Variants in XPA observed in about 807,000 individuals in gnomAD.
The protein encoded by XPA is XPA, DNA damage recognition and repair factor, also known as DNA repair protein complementing XP-A cells.
A neutral mutation model predicts 35.7 loss-of-function variants in XPA; 27 were observed. That is an observed-to-expected ratio of 0.76 (90% CI 0.56 to 1.04). The LOEUF is 1.04. Among genes scored for constraint, XPA ranks in the 50% least tolerant of loss-of-function variants. The pLI is 0.00. For synonymous variants in XPA, 133 were observed against 118.4 expected (o/e 1.12, Z -0.80); for missense variants, 354 against 342.7 (o/e 1.03, Z -0.26).
intron 4 of XPA, among the ~76,000 whole-genome samples, chr9:97,686,314 G>C (rs921969388): frequency 1.3e-5 from 2 of 152,118 alleles, no homozygotes; most frequent in African/African-American, 2.4e-5. Flanking sequence ...CTGGGCACTA[G>C]CAGTCCTAGC....
chr9:97,695,009 T>G (rs1268026827), intron 1 of XPA, among the ~76,000 whole-genome samples: 1 of 152,192 alleles, frequency 6.6e-6, no homozygotes, highest in Non-Finnish European at 1.5e-5. Flanking sequence ...TATGACTCAA[T>G]GTACATGAAG....
At position 97,684,909 on chromosome 9, in the gene XPA, A is replaced by G. The variant is rs777571441; in HGVS notation, c.673+14T>C. 6.3e-7 allele frequency: 1 copy of G among 1,596,448 alleles called. No homozygotes were observed. Among genetic ancestry groups the G allele is most frequent in the Non-Finnish European group, 8.6e-7 (1 of 1,164,358 alleles). ...AAAACACAATCCTTCACGATATAAA[A>G]TGTGGCCATCTACCTTTTACTTTTT... On this transcript the variant is annotated intron_variant, in intron 5 of 5. Transcript: ENST00000375128.
the XPA span, among the ~76,000 whole-genome samples, chr9:97,658,956 C>T: frequency 2.6e-5 from 4 of 152,174 alleles, no homozygotes; most frequent in African/African-American, 9.6e-5. Context: ...ACTGGCTTAT[C>T]ATTTTTTCTC....
intron 2 of XPA, 113 bp downstream of exon 2, chr9:97,693,536 T>C (rs1014460542): frequency 4.3e-6 from 4 of 928,416 alleles, no homozygotes; most frequent in Non-Finnish European, 3.4e-6. Context: ...ATAAAGATAA[T>C]GTACTCACTG....
At chr9:97,671,476 C>T (rs1442117843), downstream of XPA, 1 of 321,696 alleles carries the variant, frequency 3.1e-6, no homozygotes, top group Non-Finnish European at 5.8e-6. Flanking sequence ...CTCCTTAAGG[C>T]ACAAAATAAT....
intron 5 of XPA, among the ~76,000 whole-genome samples, chr9:97,678,767 T>C (rs566815558): frequency 7.9e-5 from 12 of 152,286 alleles, no homozygotes; most frequent in East Asian, 1.9e-4. Context: ...TGAGGGCTGA[T>C]AGACATCAGT....
At chr9:97,669,729 G>A in the XPA span, 23 of 1,429,280 alleles carry the variant, frequency 1.6e-5, no homozygotes, top group East Asian at 4.5e-5. Flanking sequence ...CTTCGATTAG[G>A]TAATAACACT....
rs769085209 is a variant in XPA at position 97,675,347 on chromosome 9, G to T, written c.*92C>A. 2.9e-5 allele frequency: 38 copies of T among 1,319,064 alleles called. No homozygotes were observed. Among genetic ancestry groups the T allele is most frequent in the Admixed American group, 9.9e-5 (4 of 40,254 alleles). The allele number at this position is 1,319,064 out of a possible 1,614,324, so 81.7% of individuals were successfully genotyped here. Reference sequence around the variant, plus strand: ...AAGGGTTTCATTCATCTATGAAGATGTTGCTTTTTTTTTTGAATTTTGAAA... The same window carrying T: ...AAGGGTTTCATTCATCTATGAAGATTTTGCTTTTTTTTTTGAATTTTGAAA... On this transcript the variant is annotated 3_prime_UTR_variant, in exon 6 of 6. Transcript: ENST00000375128.
At chr9:97,694,942 G>A (rs920896214) in intron 1 of XPA, among the ~76,000 whole-genome samples, 1 of 152,134 alleles carries the variant, frequency 6.6e-6, no homozygotes, top group Admixed American at 6.5e-5. Context: ...ACCAATGCAC[G>A]CAACAAAATG....
intron 5 of XPA, among the ~76,000 whole-genome samples, chr9:97,677,492 G>A (rs553621731): frequency 6.6e-6 from 1 of 152,064 alleles, no homozygotes; most frequent in Non-Finnish European, 1.5e-5. Flanking sequence ...GGGCAACACA[G>A]TGAAACCCCA....
intron 5 of XPA, among the ~76,000 whole-genome samples, chr9:97,682,889 A>C (rs1220520179): frequency 6.6e-6 from 1 of 152,218 alleles, no homozygotes; most frequent in Non-Finnish European, 1.5e-5. Context: ...TATATGCCAC[A>C]TAGAATTCTT....
At chr9:97,687,710 G>A (rs1306564686) in intron 3 of XPA, among the ~76,000 whole-genome samples, 1 of 152,158 alleles carries the variant, frequency 6.6e-6, no homozygotes, top group Non-Finnish European at 1.5e-5. Flanking sequence ...AGACCCTAGG[G>A]GTGCGAAAGG....
the XPA span, chr9:97,666,863 A>G: frequency 6.2e-7 from 1 of 1,604,534 alleles, no homozygotes; most frequent in South Asian, 1.1e-5. Flanking sequence ...GAAACTTGCT[A>G]GGCAACACAA....
chr9:97,684,304 T>G (rs1025031839), intron 5 of XPA, among the ~76,000 whole-genome samples: 1 of 152,144 alleles, frequency 6.6e-6, no homozygotes, highest in African/African-American at 2.4e-5. Flanking sequence ...CATACCTGGA[T>G]GGATAACAGG....
the XPA span, chr9:97,669,876 G>A: frequency 1.5e-6 from 1 of 687,756 alleles, no homozygotes; most frequent in African/African-American, 1.8e-5. Context: ...GGCTTAAACT[G>A]ATTCTGTACC....
intron 5 of XPA, among the ~76,000 whole-genome samples, chr9:97,676,416 C>T (rs1465433170): frequency 2.6e-5 from 4 of 152,212 alleles, no homozygotes; most frequent in Non-Finnish European, 5.9e-5. Flanking sequence ...ACACTTTACA[C>T]TTCTATTCTC....
At chr9:97,672,401 T>C (rs926508809), downstream of XPA, 2 of 152,218 alleles carry the variant, frequency 1.3e-5, no homozygotes, top group African/African-American at 2.4e-5. Flanking sequence ...TTTTAGTGGC[T>C]ACAGAATGTA....
the XPA span, among the ~76,000 whole-genome samples, chr9:97,667,872 GTCTA>G: frequency 1.3e-5 from 2 of 152,310 alleles, no homozygotes; most frequent in African/African-American, 2.4e-5. Flanking sequence ...TTGAAGAAAG[GTCTA>G]TCTATTAGGT....
At chr9:97,661,955 G>A in the XPA span, 2 of 864,310 alleles carry the variant, frequency 2.3e-6, no homozygotes, top group East Asian at 5.2e-5. Context: ...GTATAGATGT[G>A]AGCAACCATC....
Sources: gnomAD v4.1 joint callset for allele counts (sites outside exome capture counted in the v4.1 genomes callset) on GRCh38, gnomAD v4.1.1 for gene constraint, MANE v1.5 for transcripts, NCBI Gene and HGNC (gene_info 2026-07-23, HGNC 2026-07-21) for gene names.